NPEPL1: variants seen among roughly 807,000 people sequenced by gnomAD.
NPEPL1 encodes probable aminopeptidase NPEPL1.
Under a neutral mutation model 52.4 loss-of-function variants are expected in NPEPL1, and 45 were observed. The observed-to-expected ratio is 0.86, with a 90% confidence interval of 0.68 to 1.10. The LOEUF (loss-of-function observed/expected upper bound fraction) is 1.10, where lower values mean the gene tolerates loss of function less well. NPEPL1 is among the 50% of genes least tolerant of loss of function. The pLI, the probability that NPEPL1 is intolerant of heterozygous loss-of-function variation, is 0.00. For synonymous variants in NPEPL1, 360 were observed against 314.7 expected, an observed-to-expected ratio of 1.14 and a Z score of -1.52; for missense variants, 696 against 710.9, an observed-to-expected ratio of 0.98 and a Z score of 0.24.
intron 11 of NPEPL1, 34 bp downstream of exon 11, chr20:58,714,704 C>G (rs2084920411): frequency 4.0e-6 from 6 of 1,492,626 alleles, no homozygotes; most frequent in Admixed American, 1.9e-5. Context: ...GCCCTGGCTG[C>G]TCCCGCCCGC....
intron 3 of NPEPL1, among the ~76,000 whole-genome samples, chr20:58,696,382 A>C (rs1227761974): frequency 6.6e-6 from 1 of 152,222 alleles, no homozygotes; most frequent in Non-Finnish European, 1.5e-5. Flanking sequence ...ACTACTAGAC[A>C]TGTCACATCT....
intron 6 of NPEPL1, chr20:58,705,644 AAAC>A: frequency 2.3e-6 from 1 of 439,028 alleles, no homozygotes; most frequent in Non-Finnish European, 4.7e-6. Flanking sequence ...ATAAAAACAG[AAAC>A]AACATATGGG....
chr20:58,712,666 T>TA, intron 8 of NPEPL1, 87 bp downstream of exon 8: 1 of 968,096 alleles, frequency 1.0e-6, no homozygotes, highest in Non-Finnish European at 1.7e-6. Context: ...TCCAGGCATA[T>TA]CGGGAGGGCA....
At chr20:58,712,126 TG>T (rs2084860504) in intron 7 of NPEPL1, among the ~76,000 whole-genome samples, 1 of 152,156 alleles carries the variant, frequency 6.6e-6, no homozygotes, top group Non-Finnish European at 1.5e-5. Context: ...TGTGTGTGTG[TG>T]TATTGAGGGG....
At position 58,701,016 on chromosome 20, in the gene NPEPL1, G is replaced by A; in HGVS notation, c.680G>A (p.Gly227Glu). The change falls in exon 6 of 12, where the codon GGA becomes GAA. Residue 227 changes from glycine (G) to glutamate (E), a missense_variant and splice_region_variant. Gly to Glu is a moderately conservative substitution (Grantham distance 98). Coordinates refer to ENST00000356091, the MANE Select transcript of NPEPL1 (RefSeq NM_024663.4). ...CCAGTTCTCCCCACGCTTTCCATAG[G>A]AATCTATGGGGTTGGCAAAGCCGCC... is the stretch of plus-strand genomic sequence containing the variant. ...DEELKTRGFG[G>E]IYGVGKAALH... is the part of the protein sequence containing the mutation. The A allele has an allele frequency of 6.3e-7, 1 of 1,579,112 alleles. No individual in the cohort carries two copies. The highest frequency in any genetic ancestry group is 8.6e-7 in the Non-Finnish European group (1 of 1,162,806).
chr20:58,707,089 C>T (rs1464320328), intron 6 of NPEPL1, 34 bp from the exon 7 acceptor site: 7 of 1,546,778 alleles, frequency 4.5e-6, no homozygotes, highest in Non-Finnish European at 6.1e-6. Context: ...CCTCACAGCT[C>T]ACCTTTGTCC....
chr20:58,693,099 C>A, intron 1 of NPEPL1, 49 bp downstream of exon 1: 1 of 988,432 alleles, frequency 1.0e-6, no homozygotes, highest in South Asian at 4.5e-5. Flanking sequence ...GAAGCCCAGG[C>A]CCGGGCGGCC....
At chr20:58,708,930 C>T (rs527282705) in intron 7 of NPEPL1, among the ~76,000 whole-genome samples, 1 of 151,892 alleles carries the variant, frequency 6.6e-6, no homozygotes, top group African/African-American at 2.4e-5. Context: ...CTTTGCCGTT[C>T]ACCCCTGGTT....
chr20:58,698,862 C>T (rs930523265), intron 4 of NPEPL1, 89 bp downstream of exon 4: 1 of 1,128,078 alleles, frequency 8.9e-7, no homozygotes, highest in South Asian at 1.3e-5. Context: ...TGGGGCTGTC[C>T]ACACCCTGAC....
At chr20:58,699,432 G>A (rs569833370) in intron 5 of NPEPL1, among the ~76,000 whole-genome samples, 154 bp downstream of exon 5, 8 of 152,288 alleles carry the variant, frequency 5.3e-5, no homozygotes, top group South Asian at 4.1e-4. Flanking sequence ...GCCCAGTGCC[G>A]GACCCTGGGA....
rs2084903021 is a variant in NPEPL1, at chr20:58,713,800, C to T, written c.1126-117C>T. 2 of 1,235,372 alleles carry T rather than the reference C, an allele frequency of 1.6e-6. No homozygotes were observed. Among genetic ancestry groups the T allele is most frequent in the Non-Finnish European group, 2.1e-6 (2 of 935,494 alleles). 76.5% of individuals were successfully genotyped at this position (1,235,372 alleles called of 1,614,324 possible). A position where few individuals can be genotyped will look rare whatever the true frequency, so the allele number is the denominator to read the frequency against. On this transcript the variant is annotated intron_variant, in intron 9 of 11. Transcript: ENST00000356091. The surrounding 1 kb of genome is among the most constrained non-coding windows in gnomAD (Gnocchi z 4.6). ...CTGCCTGTGTTTTTTCTTTTTTTCT[C>T]AACCGTCTCTTTTCTGGCTCCCTTA...
intron 6 of NPEPL1, among the ~76,000 whole-genome samples, chr20:58,706,262 C>T (rs1269678298): frequency 2.6e-5 from 4 of 152,134 alleles, no homozygotes; most frequent in African/African-American, 9.7e-5. Flanking sequence ...AGAGGTGGCC[C>T]CTTCTTCTGG....
Position 58,707,113 on chromosome 20 carries a change from C to A in NPEPL1, c.823-10C>A. 1.3e-6 allele frequency: 2 copies of A among 1,550,856 alleles called. No individual in the cohort carries two copies. The highest frequency in any genetic ancestry group is 1.7e-6 in the Non-Finnish European group (2 of 1,147,002). Reference sequence around the variant, plus strand: ...TCACCTTTGTCCTGGTCCCTTTGTACCACCCGCAGACTACCATGCCGGGGA... The same window carrying A: ...TCACCTTTGTCCTGGTCCCTTTGTAACACCCGCAGACTACCATGCCGGGGA... On this transcript the variant is annotated splice_polypyrimidine_tract_variant and intron_variant, in intron 6 of 11. Coordinates refer to ENST00000356091, the MANE Select transcript of NPEPL1 (RefSeq NM_024663.4).
rs2084735959 is a variant in NPEPL1, at chr20:58,706,578, C to T, written c.823-545C>T. ...GCACACTAGGAATCTGCAATGGGTG[C>T]AGGAAGCACGCAAGCCCACCCAGGT... On this transcript the variant is annotated intron_variant, in intron 6 of 11. Coordinates refer to ENST00000356091, the MANE Select transcript of NPEPL1 (RefSeq NM_024663.4). 2.0e-5 allele frequency among the ~76,000 whole-genome samples: 3 copies of T among 152,194 alleles called. No homozygotes were observed. In the South Asian group the frequency reaches 6.2e-4, roughly 31 times the overall value.
chr20:58,697,420 G>A (rs969268313), intron 3 of NPEPL1, among the ~76,000 whole-genome samples: 6 of 152,236 alleles, frequency 3.9e-5, no homozygotes, highest in African/African-American at 9.6e-5. Flanking sequence ...CAGAGAACCC[G>A]CTGACAGGCG....
intron 11 of NPEPL1, 119 bp from the exon 12 acceptor site, chr20:58,715,049 C>T (rs2084925653): frequency 8.7e-7 from 1 of 1,152,364 alleles, no homozygotes; most frequent in South Asian, 1.5e-5. Flanking sequence ...TCAGGATCTC[C>T]TTCCTGAGAA....
intron 6 of NPEPL1, among the ~76,000 whole-genome samples, chr20:58,704,766 T>G (rs2084704791): frequency 6.6e-6 from 1 of 152,214 alleles, no homozygotes; most frequent in African/African-American, 2.4e-5. Context: ...TAGTACCTTT[T>G]TCAGCTAACT....
At chr20:58,698,160 C>T (rs141648786) in intron 3 of NPEPL1, among the ~76,000 whole-genome samples, 2 of 152,252 alleles carry the variant, frequency 1.3e-5, no homozygotes, top group Non-Finnish European at 2.9e-5. Context: ...GGTTCAAGCA[C>T]TCAGGATGTA....
intron 3 of NPEPL1, among the ~76,000 whole-genome samples, chr20:58,695,086 G>A (rs563227971): frequency 5.2e-4 from 20 of 38,654 alleles, no homozygotes; most frequent in African/African-American, 1.9e-3. Flanking sequence ...TGTGGTGTAC[G>A]TGTGGTATGT....
Sources: allele counts gnomAD v4.1 joint callset (sites outside exome capture counted in the v4.1 genomes callset), GRCh38; gene constraint gnomAD v4.1.1; non-coding constraint Gnocchi (gnomAD v3.1); transcripts MANE v1.5; gene names NCBI Gene and HGNC (gene_info 2026-07-23, HGNC 2026-07-21).